Variants in DTWD2 observed in about 807,000 individuals in gnomAD.
DTWD2 encodes tRNA-uridine aminocarboxypropyltransferase 2.
DTWD2 carries 39 observed loss-of-function variants against 31.8 expected under a neutral mutation model. The ratio of observed to expected loss-of-function variants is 1.22; its 90% CI spans 0.95 to 1.60. The LOEUF is 1.60. Ranked by LOEUF, DTWD2 falls within the 40% of genes most tolerant of loss-of-function variation. The pLI, the probability that DTWD2 is intolerant of heterozygous loss-of-function variation, is 0.00. For missense variants in DTWD2, 515 were observed against 381.5 expected (o/e 1.35, Z -2.92); for synonymous variants, 180 against 142.8 (o/e 1.26, Z -1.86).
chr5:118,854,964 G>A (rs751329320), intron 4 of DTWD2, among the ~76,000 whole-genome samples: 6 of 151,892 alleles, frequency 4.0e-5, no homozygotes, highest in Non-Finnish European at 5.9e-5. Flanking sequence ...GCCGAGGTGG[G>A]AAGAGTTTGA....
At chr5:118,968,619 G>A (rs1754908471) in intron 1 of DTWD2, among the ~76,000 whole-genome samples, 1 of 152,148 alleles carries the variant, frequency 6.6e-6, no homozygotes, top group Non-Finnish European at 1.5e-5. Context: ...TTTGCAACCT[G>A]CAGATCAGGA....
In DTWD2 at chr5:118,900,220, C is replaced by T. The variant is rs529412212; in HGVS notation, c.597+28317G>A. The stretch of plus-strand genomic sequence containing the variant: ...GCTGTAGAGCATTCCATTACATATA[C>T]CACCATTTGTTCATTCTGTTGTTGA... On this transcript the variant is annotated intron_variant, in intron 4 of 5. Transcript: ENST00000510708. Among the ~76,000 whole-genome samples, 141 of 152,254 alleles carry T rather than the reference C, an allele frequency of 9.3e-4. 1 individual carries two copies. The highest frequency in any genetic ancestry group is 2.3e-3 in the South Asian group (11 of 4,818).
intron 5 of DTWD2, among the ~76,000 whole-genome samples, chr5:118,841,590 T>C (rs1359837807): frequency 6.6e-6 from 1 of 152,194 alleles, no homozygotes; most frequent in Non-Finnish European, 1.5e-5. Flanking sequence ...ACAAGTTAGA[T>C]GCCCAGGTCT....
intron 4 of DTWD2, among the ~76,000 whole-genome samples, chr5:118,891,558 T>G (rs1752977883): frequency 6.6e-6 from 1 of 152,200 alleles, no homozygotes; most frequent in Non-Finnish European, 1.5e-5. Context: ...CTCTGAATAA[T>G]GTACTCCTCT....
intron 1 of DTWD2, among the ~76,000 whole-genome samples, chr5:118,950,726 G>A (rs1386466105): frequency 3.3e-5 from 5 of 152,258 alleles, no homozygotes; most frequent in East Asian, 3.9e-4. Context: ...TGGCTTAGGC[G>A]TTTTGAAGTT....
At chr5:118,909,560 T>G (rs1753413642) in intron 4 of DTWD2, among the ~76,000 whole-genome samples, 1 of 152,144 alleles carries the variant, frequency 6.6e-6, no homozygotes, top group Non-Finnish European at 1.5e-5. Context: ...ACCCCACACA[T>G]GTCCACTACC....
At chr5:118,950,114 G>A (rs1011100811) in intron 1 of DTWD2, among the ~76,000 whole-genome samples, 2 of 148,858 alleles carry the variant, frequency 1.3e-5, no homozygotes, top group Non-Finnish European at 2.9e-5. Context: ...GGAGGTTGAG[G>A]TGGGAGAATG....
intron 4 of DTWD2, among the ~76,000 whole-genome samples, chr5:118,851,633 C>G (rs544273408): frequency 7.8e-4 from 107 of 136,592 alleles, no homozygotes; most frequent in African/African-American, 2.8e-3. Flanking sequence ...AAACAGCGTT[C>G]GACAATGAGA....
chr5:118,842,124 TG>T (rs1454219810), intron 5 of DTWD2, among the ~76,000 whole-genome samples: 1 of 151,956 alleles, frequency 6.6e-6, no homozygotes, highest in African/African-American at 2.4e-5. Flanking sequence ...ACAACATAAG[TG>T]GTAGAAAAAG....
At chr5:118,964,002 G>A (rs1164465345) in intron 1 of DTWD2, among the ~76,000 whole-genome samples, 1 of 152,110 alleles carries the variant, frequency 6.6e-6, no homozygotes, top group Non-Finnish European at 1.5e-5. Flanking sequence ...TTGAGGTCAG[G>A]TGTTCAAGAC....
Position 118,837,642 on chromosome 5 carries a change from C to A in DTWD2, c.*3275G>T, listed in dbSNP as rs1226103097. 1.3e-5 allele frequency: 2 copies of A among 152,078 alleles called. No individual in the cohort carries two copies. Among genetic ancestry groups the A allele is most frequent in the Admixed American group, 6.6e-5 (1 of 15,252 alleles). The allele number at this position is 152,078 out of a possible 1,614,324, so 9.4% of individuals were successfully genotyped here. A position where few individuals can be genotyped will look rare whatever the true frequency, so the allele number is the denominator to read the frequency against. On this transcript the variant is annotated 3_prime_UTR_variant, in exon 6 of 6. Coordinates refer to ENST00000510708, the MANE Select transcript of DTWD2 (RefSeq NM_173666.4). ...ACTGAGTAAATTATACAGAAGTGCT[C>A]TTCTATATAATTTACTGAGAGGCCA...
In DTWD2 at chr5:118,838,160, A is replaced by G. The variant is rs1159389717; in HGVS notation, c.*2757T>C. 2 of 152,300 alleles carry G rather than the reference A, an allele frequency of 1.3e-5. No homozygotes were observed. The highest frequency in any genetic ancestry group is 3.9e-4 in the East Asian group (2 of 5,192). The allele number at this position is 152,300 out of a possible 1,614,324, so 9.4% of individuals were successfully genotyped here. On this transcript the variant is annotated 3_prime_UTR_variant, in exon 6 of 6. Transcript: ENST00000510708. ...TGTATAATCTAGTTCTCAACCTTTT[A>G]CACTCATGTGTGCAAGAAACTCTCA...
chr5:118,945,783 AAAGAAAG>A (rs2149586680), intron 1 of DTWD2, among the ~76,000 whole-genome samples: 1 of 110,234 alleles, frequency 9.1e-6, no homozygotes, highest in African/African-American at 6.2e-5. Context: ...AAAAAGAAAG[AAAGAAAG>A]AAAGAAAGAA....
In DTWD2 at chr5:118,960,930, G is replaced by A. The variant is rs546448373; in HGVS notation, c.219-16281C>T. On this transcript the variant is annotated intron_variant, in intron 1 of 5. Coordinates refer to ENST00000510708, the MANE Select transcript of DTWD2 (RefSeq NM_173666.4). Reference sequence around the variant, plus strand: ...AGACATTGAGGCCTAATTGAGGGTGGAGGGTGGGAAGAGGGTGAGGATCAA... The same window carrying A: ...AGACATTGAGGCCTAATTGAGGGTGAAGGGTGGGAAGAGGGTGAGGATCAA... 1.3e-5 allele frequency among the ~76,000 whole-genome samples: 2 copies of A among 152,154 alleles called. 1 individual carries two copies. Among genetic ancestry groups the A allele is most frequent in the East Asian group, 3.8e-4 (2 of 5,202 alleles).
chr5:118,957,001 T>C (rs753149183), intron 1 of DTWD2, among the ~76,000 whole-genome samples: 3 of 151,858 alleles, frequency 2.0e-5, no homozygotes, highest in Non-Finnish European at 4.4e-5. Context: ...TGAAACTATA[T>C]ATCCAACATA....
rs765671802 is a variant in DTWD2, at chr5:118,974,601, T to C, written c.218+13693A>G. ...CAGAAAAACAATCTTATTCCGAGCA[T>C]TCCAGTAACTTTTTTGTGTATGTAC... On this transcript the variant is annotated intron_variant, in intron 1 of 5. Coordinates refer to ENST00000510708, the MANE Select transcript of DTWD2 (RefSeq NM_173666.4). 17 of 505,924 alleles carry C rather than the reference T, an allele frequency of 3.4e-5. No individual in the cohort carries two copies. In the Middle Eastern group the frequency reaches 1.3e-3, roughly 40 times the overall value. The allele number at this position is 505,924 out of a possible 1,614,324, so 31.3% of individuals were successfully genotyped here.
At chr5:118,854,494 AT>A (rs1406085096) in intron 4 of DTWD2, among the ~76,000 whole-genome samples, 2 of 151,930 alleles carry the variant, frequency 1.3e-5, no homozygotes, top group African/African-American at 4.8e-5. Context: ...TTAAAGTGAC[AT>A]TTTTAGAGCA....
chr5:118,923,124 T>C (rs1753738950), intron 4 of DTWD2, among the ~76,000 whole-genome samples: 1 of 152,118 alleles, frequency 6.6e-6, no homozygotes. Flanking sequence ...AAATGAAATT[T>C]CACCTTACTT....
intron 4 of DTWD2, among the ~76,000 whole-genome samples, chr5:118,897,306 G>A (rs1465867775): frequency 6.6e-6 from 1 of 152,196 alleles, no homozygotes; most frequent in Non-Finnish European, 1.5e-5. Context: ...TAACATGTGT[G>A]AAGTGTTATC....
Sources: allele counts gnomAD v4.1 joint callset (sites outside exome capture counted in the v4.1 genomes callset), GRCh38; gene constraint gnomAD v4.1.1; transcripts MANE v1.5; gene names NCBI Gene and HGNC (gene_info 2026-07-23, HGNC 2026-07-21).